The following EP400 variants were observed in gnomAD, a reference collection of about 807,000 sequenced individuals.
EP400 encodes the protein E1A binding protein p400, also known as E1A-binding protein p400.
Under a neutral mutation model 354.1 loss-of-function variants are expected in EP400, and 105 were observed. The ratio of observed to expected loss-of-function variants is 0.30; its 90% CI spans 0.25 to 0.35. The LOEUF (loss-of-function observed/expected upper bound fraction) is 0.35. Among genes scored for constraint, EP400 ranks in the 10% least tolerant of loss-of-function variants. EP400 has a pLI of 1.00. For synonymous variants in EP400, 1,646 were observed against 1,716.9 expected (o/e 0.96, Z 1.02); for missense variants, 3,280 against 4,121.0 (o/e 0.80, Z 5.59).
In EP400 at chr12:132,031,363, T is replaced by C. The variant is rs751520754; in HGVS notation, c.5755-590T>C. 3 of 519,148 alleles carry C rather than the reference T, an allele frequency of 5.8e-6. No individual in the cohort carries two copies. In the Admixed American group the frequency reaches 5.8e-5, roughly 10 times the overall value. 32.2% of individuals were successfully genotyped at this position (519,148 alleles called of 1,614,324 possible). A position where few individuals can be genotyped will look rare whatever the true frequency, so the allele number is the denominator to read the frequency against. On this transcript the variant is annotated intron_variant, in intron 29 of 52. Coordinates refer to ENST00000389561, the MANE Select transcript of EP400 (RefSeq NM_015409.5). ...GCCTACAAGTTGAGCTGACAGTAAA[T>C]GCAAGGTGGACTCTAACTTTTTCCT...
Position 132,067,607 on chromosome 12 carries a change from T to G in EP400, c.8874+121T>G. ...GGCTCACGCTTTTCAGAGGGTGGCT[T>G]CAAGGGCTGGAGGTGCTAGTGTGGT... On this transcript the variant is annotated intron_variant, in intron 50 of 52. Coordinates refer to ENST00000389561, the MANE Select transcript of EP400 (RefSeq NM_015409.5). This position sits in a 1 kb window ranked among gnomAD's most constrained non-coding sequence, Gnocchi z 5.3. The G allele has an allele frequency of 7.1e-7, 1 of 1,409,050 alleles. No homozygotes were observed. Among genetic ancestry groups the G allele is most frequent in the Non-Finnish European group, 9.5e-7 (1 of 1,047,184 alleles). The allele number at this position is 1,409,050 out of a possible 1,614,324, so 87.3% of individuals were successfully genotyped here.
chr12:132,020,977 G>T (rs576844078), intron 22 of EP400, 102 bp from the exon 23 acceptor site: 2 of 1,388,484 alleles, frequency 1.4e-6, no homozygotes, highest in Non-Finnish European at 1.9e-6. Context: ...TTTGAGAGAC[G>T]GTGTGAAATG....
At chr12:132,032,881 G>A (rs1894569344) in intron 30 of EP400, among the ~76,000 whole-genome samples, 1 of 152,058 alleles carries the variant, frequency 6.6e-6, no homozygotes, top group Non-Finnish European at 1.5e-5. Context: ...CGCCCGCCGT[G>A]GCCTCCCAAA....
intron 2 of EP400, among the ~76,000 whole-genome samples, chr12:131,968,654 G>A (rs979705119): frequency 2.0e-5 from 3 of 152,184 alleles, no homozygotes; most frequent in Admixed American, 6.5e-5. Context: ...CCATTGACCT[G>A]TTTAGGGAGG....
intron 30 of EP400, among the ~76,000 whole-genome samples, chr12:132,037,186 G>A (rs1894747943): frequency 6.6e-6 from 1 of 152,210 alleles, no homozygotes; most frequent in Non-Finnish European, 1.5e-5. Context: ...GACATCTGCA[G>A]CTCACGGTCG....
intron 23 of EP400, among the ~76,000 whole-genome samples, chr12:132,022,890 T>C (rs1172451189): frequency 2.0e-5 from 3 of 152,126 alleles, no homozygotes; most frequent in Admixed American, 2.0e-4. Flanking sequence ...CAGTGAGCTA[T>C]AATCCTGCTA....
intron 30 of EP400, among the ~76,000 whole-genome samples, chr12:132,033,210 A>C (rs928507243): frequency 2.0e-5 from 3 of 152,286 alleles, no homozygotes; most frequent in South Asian, 2.1e-4. Flanking sequence ...GGCCTCCCAA[A>C]GTGCTGGGAT....
At position 132,074,450 on chromosome 12, in the gene EP400, C is replaced by T. The variant is rs144364460; in HGVS notation, c.9022-2066C>T. On this transcript the variant is annotated intron_variant, in intron 51 of 52. Transcript: ENST00000389561. ...AGACGTTGTCTTTGTCTTTGTTGTT[C>T]TGGGTCACCTCTCTCCCCCACTGTC... Among the ~76,000 whole-genome samples the T allele has an allele frequency of 1.5e-4, 22 of 151,544 alleles. 1 individual carries two copies. In the East Asian group the frequency reaches 4.3e-3, roughly 29 times the overall value.
At chr12:132,011,655 AAAT>A (rs1397499187) in intron 16 of EP400, 21 bp downstream of exon 16, 5 of 1,568,968 alleles carry the variant, frequency 3.2e-6, no homozygotes, top group Non-Finnish European at 4.3e-6. Context: ...TTTAAACATA[AAAT>A]AAAGCTAAAC....
intron 45 of EP400, among the ~76,000 whole-genome samples, chr12:132,059,769 A>G (rs968915530): frequency 1.4e-4 from 21 of 152,092 alleles, no homozygotes; most frequent in African/African-American, 4.8e-4. Flanking sequence ...TAATCCCAGC[A>G]TCTTGGGAGG....
chr12:131,963,400 C>T (rs1891967392), intron 2 of EP400: 2 of 663,096 alleles, frequency 3.0e-6, no homozygotes, highest in Non-Finnish European at 2.6e-6. Flanking sequence ...TATCCTTTCA[C>T]AGGAATTGAT....
At chr12:132,043,750 C>A in intron 34 of EP400, 22 bp downstream of exon 34, 2 of 1,577,922 alleles carry the variant, frequency 1.3e-6, no homozygotes, top group South Asian at 2.3e-5. Flanking sequence ...AACTTTTGGT[C>A]AGTGAAAAAA....
Position 132,077,422 on chromosome 12 carries a change from C to T in EP400, c.9121C>T (p.Leu3041Phe). Reference protein sequence around the residue: ...SQQASPQTVALTQATAAGQQV... With the variant: ...SQQASPQTVAFTQATAAGQQV... The stretch of plus-strand genomic sequence containing the variant: ...TCAGGCTTCTCCACAGACTGTGGCG[C>T]TCACGCAGGCGACGGCGGCCGGGCA... Residue 3041 changes from leucine (L) to phenylalanine (F), a missense_variant, in exon 53 of 53, where the codon CTC becomes TTC. Transcript: ENST00000389561. The T allele has an allele frequency of 1.9e-6, 3 of 1,612,252 alleles. No individual in the cohort carries two copies. The highest frequency in any genetic ancestry group is 2.5e-6 in the Non-Finnish European group (3 of 1,179,738).
rs892617143 is a variant in EP400, at chr12:132,050,266, C to T, written c.7201-57C>T. Reference sequence around the variant, plus strand: ...CCCACCCAGTGAGCCCTGTGTCCCACGCAGCCGTCTGTCCATGCTGCCTAA... The same window carrying T: ...CCCACCCAGTGAGCCCTGTGTCCCATGCAGCCGTCTGTCCATGCTGCCTAA... On this transcript the variant is annotated intron_variant, in intron 39 of 52. Coordinates refer to ENST00000389561, the MANE Select transcript of EP400 (RefSeq NM_015409.5). This position sits in a 1 kb window ranked among gnomAD's most constrained non-coding sequence, Gnocchi z 4.8. 24 of 1,595,324 alleles carry T rather than the reference C, an allele frequency of 1.5e-5. No individual in the cohort carries two copies. The highest frequency in any genetic ancestry group is 4.5e-5 in the East Asian group (2 of 44,702).
At chr12:131,976,590 G>A (rs377193733) in intron 2 of EP400, among the ~76,000 whole-genome samples, 1 of 152,048 alleles carries the variant, frequency 6.6e-6, no homozygotes, top group South Asian at 2.1e-4. Flanking sequence ...CGCACCTGTA[G>A]TCCCAGCTTC....
chr12:132,044,157 C>G lies in EP400; in HGVS notation c.6451-20C>G. 15 of 1,612,022 alleles carry G rather than the reference C, an allele frequency of 9.3e-6. No homozygotes were observed. Among genetic ancestry groups the G allele is most frequent in the Non-Finnish European group, 1.2e-5 (14 of 1,178,416 alleles). The stretch of plus-strand genomic sequence containing the variant: ...AGCTGCACTCCTGATCCTGAAAGTT[C>G]TTGCTGCTCTCCCCGTCAGGACGCA... On this transcript the variant is annotated intron_variant, in intron 34 of 52. Transcript: ENST00000389561.
rs962045134 is a variant in EP400, at chr12:131,990,869, C to T, written c.2629+155C>T. ...GTTACATTTCTCTTTGTGTGGCCAT[C>T]CTAGTTTTATGCTTCAGTGCTTTTG... On this transcript the variant is annotated intron_variant, in intron 9 of 52. Coordinates refer to ENST00000389561, the MANE Select transcript of EP400 (RefSeq NM_015409.5). This position sits in a 1 kb window ranked among gnomAD's most constrained non-coding sequence, Gnocchi z 4.2. Among the ~76,000 whole-genome samples the T allele has an allele frequency of 3.9e-5, 6 of 152,252 alleles. No individual in the cohort carries two copies. The highest frequency in any genetic ancestry group is 8.8e-5 in the Non-Finnish European group (6 of 68,026).
In EP400 at chr12:131,960,970, T is replaced by C; in HGVS notation, c.351T>C (p.Ser117=). The change falls in exon 2 of 53, where the codon TCT becomes TCC. Residue 117 remains serine (S), a synonymous_variant. Transcript: ENST00000389561. The part of the protein sequence containing the change: ...SAQPRRFEHG[S]PSYIQVTSPL... ...AGCCTCGGCGGTTTGAGCATGGGTC[T>C]CCATCATACATTCAGGTCACGTCCC... The C allele has an allele frequency of 1.2e-6, 2 of 1,609,900 alleles. No homozygotes were observed. The highest frequency in any genetic ancestry group is 1.7e-6 in the Non-Finnish European group (2 of 1,178,526).
intron 14 of EP400, 107 bp from the exon 15 acceptor site, chr12:132,006,593 G>T (rs1178325188): frequency 8.6e-7 from 1 of 1,161,594 alleles, no homozygotes; most frequent in Non-Finnish European, 1.2e-6. Flanking sequence ...GATCATTTTT[G>T]TGGCTTTCTA....
Sources: gnomAD v4.1 joint callset for allele counts (sites outside exome capture counted in the v4.1 genomes callset) on GRCh38, gnomAD v4.1.1 for gene constraint, Gnocchi (gnomAD v3.1) non-coding constraint, MANE v1.5 for transcripts, NCBI Gene and HGNC (gene_info 2026-07-23, HGNC 2026-07-21) for gene names.